ZNF609: variants seen among roughly 807,000 people sequenced by gnomAD.
The protein encoded by ZNF609 is zinc finger protein 609.
In ZNF609, 11 loss-of-function variants were observed where a neutral mutation model predicts 109.5. That is an observed-to-expected ratio of 0.10 (90% CI 0.06 to 0.17). The LOEUF (loss-of-function observed/expected upper bound fraction) is 0.17. ZNF609 is among the 10% of genes least tolerant of loss of function. The pLI is 1.00. For synonymous variants in ZNF609, 646 were observed against 662.0 expected, an observed-to-expected ratio of 0.98 and a Z score of 0.37; for missense variants, 1,559 against 1,772.4, an observed-to-expected ratio of 0.88 and a Z score of 2.16.
At position 64,674,849 on chromosome 15, in the gene ZNF609, A is replaced by G. The variant is rs200709757; in HGVS notation, c.1995A>G (p.Pro665=). The G allele has an allele frequency of 3.7e-6, 6 of 1,613,048 alleles. No homozygotes were observed. Among genetic ancestry groups the G allele is most frequent in the African/African-American group, 1.3e-5 (1 of 74,638 alleles). The change falls in exon 5 of 10, where the codon CCA becomes CCG. Residue 665 remains proline, a synonymous_variant. Coordinates refer to ENST00000326648, the MANE Select transcript of ZNF609 (RefSeq NM_015042.2). ...SARPIAPAIP[P]QQIYTFQTAT... ...GTCCCATTGCCCCTGCCATCCCCCC[A>G]CAGCAAATCTACACCTTCCAGACAG... is the stretch of plus-strand genomic sequence containing the variant.
intron 2 of ZNF609, among the ~76,000 whole-genome samples, chr15:64,523,957 A>C (rs1893930600): frequency 6.6e-6 from 1 of 151,934 alleles, no homozygotes; most frequent in African/African-American, 2.4e-5. Context: ...GAAACCATTT[A>C]ACAACTGATA....
At chr15:64,508,006 G>GT (rs1893662226) in intron 2 of ZNF609, among the ~76,000 whole-genome samples, 1 of 152,166 alleles carries the variant, frequency 6.6e-6, no homozygotes, top group South Asian at 2.1e-4. Context: ...ATTCATCCTA[G>GT]ATGACATTGA....
chr15:64,573,441 G>A (rs1414911127), intron 2 of ZNF609, among the ~76,000 whole-genome samples: 2 of 131,406 alleles, frequency 1.5e-5, no homozygotes, highest in Admixed American at 9.4e-5. Context: ...TGCAAGCTCC[G>A]CCTGCCGGGT....
Position 64,500,025 on chromosome 15 carries a change from A to T in ZNF609, c.606A>T (p.Ala202=). 6.2e-7 allele frequency: 1 copy of T among 1,614,172 alleles called. No homozygotes were observed. Among genetic ancestry groups the T allele is most frequent in the Non-Finnish European group, 8.5e-7 (1 of 1,180,030 alleles). The change falls in exon 2 of 10, where the codon GCA becomes GCT. Residue 202 remains alanine, a synonymous_variant. Transcript: ENST00000326648. The part of the protein sequence containing the change: ...GGRGGQYDGS[A]GVDTGAVEPL... Reference sequence around the variant, plus strand: ...GGGGTGGTCAGTATGATGGAAGTGCAGGGGTGGATACAGGAGCTGTGGAGC... The same window carrying T: ...GGGGTGGTCAGTATGATGGAAGTGCTGGGGTGGATACAGGAGCTGTGGAGC...
Position 64,675,963 on chromosome 15 carries a change from A to G in ZNF609, c.3109A>G (p.Lys1037Glu). The change falls in exon 5 of 10, where the codon AAG (lysine) becomes GAG (glutamate). Residue 1037 changes from lysine (K) to glutamate (E), a missense_variant. Lys to Glu is a moderately conservative substitution (Grantham distance 56). Coordinates refer to ENST00000326648, the MANE Select transcript of ZNF609 (RefSeq NM_015042.2). The part of the protein sequence containing the change: ...MGLKEREAAL[K>E]EEWKQKPSIP... ...CCTGAAGGAGCGGGAGGCAGCACTC[A>G]AGGAAGAGTGGAAGCAAAAGCCGTC... 1 of 1,614,200 alleles carries G rather than the reference A, an allele frequency of 6.2e-7. No individual in the cohort carries two copies. Among genetic ancestry groups the G allele is most frequent in the Non-Finnish European group, 8.5e-7 (1 of 1,180,026 alleles).
chr15:64,530,269 CA>C (rs1567006666), intron 2 of ZNF609, among the ~76,000 whole-genome samples: 1 of 152,122 alleles, frequency 6.6e-6, no homozygotes, highest in Non-Finnish European at 1.5e-5. Context: ...GCTTGCCTCT[CA>C]AAGTGCTGGG....
chr15:64,515,894 C>T (rs902551205), intron 2 of ZNF609, among the ~76,000 whole-genome samples: 3 of 150,304 alleles, frequency 2.0e-5, no homozygotes, highest in Non-Finnish European at 2.9e-5. Flanking sequence ...GCTGAGATCG[C>T]GCCATTGCAC....
intron 2 of ZNF609, among the ~76,000 whole-genome samples, chr15:64,554,330 T>C (rs1484456446): frequency 3.9e-5 from 6 of 152,236 alleles, no homozygotes; most frequent in East Asian, 1.9e-4. Context: ...TCCAGATAAA[T>C]ACATATACTT....
chr15:64,666,181 G>A (rs1896646060), intron 3 of ZNF609, among the ~76,000 whole-genome samples: 1 of 151,870 alleles, frequency 6.6e-6, no homozygotes, highest in Non-Finnish European at 1.5e-5. Flanking sequence ...ATCGCTTGGG[G>A]CCAGGAGTTC....
At chr15:64,648,669 G>A (rs1896369324) in intron 3 of ZNF609, among the ~76,000 whole-genome samples, 1 of 139,976 alleles carries the variant, frequency 7.1e-6, no homozygotes, top group Non-Finnish European at 1.5e-5. Context: ...TTAAATATGA[G>A]ATAATATATA....
chr15:64,642,905 C>T (rs1269748130), intron 3 of ZNF609, among the ~76,000 whole-genome samples: 3 of 152,128 alleles, frequency 2.0e-5, no homozygotes, highest in African/African-American at 7.2e-5. Flanking sequence ...TTAGCTAGTA[C>T]GTAACCACAC....
chr15:64,586,427 T>C (rs1895197885), intron 2 of ZNF609, among the ~76,000 whole-genome samples: 1 of 152,048 alleles, frequency 6.6e-6, no homozygotes, highest in African/African-American at 2.4e-5. Flanking sequence ...CCATGGCCTG[T>C]TAGGAACCTG....
chr15:64,507,697 G>A (rs1893657150), intron 2 of ZNF609, among the ~76,000 whole-genome samples: 2 of 152,190 alleles, frequency 1.3e-5, no homozygotes, highest in African/African-American at 4.8e-5. Context: ...TTATTTGTGT[G>A]TATGAGCATG....
intron 2 of ZNF609, among the ~76,000 whole-genome samples, chr15:64,603,560 C>T (rs1895541758): frequency 6.6e-6 from 1 of 151,872 alleles, no homozygotes; most frequent in Non-Finnish European, 1.5e-5. Context: ...TGAGCCACTG[C>T]ACCTGGCCCA....
chr15:64,553,176 A>G (rs1185626806), intron 2 of ZNF609, among the ~76,000 whole-genome samples: 1 of 151,992 alleles, frequency 6.6e-6, no homozygotes, highest in Admixed American at 6.6e-5. Context: ...TTGAAGTCAT[A>G]TGATTTAAAT....
intron 3 of ZNF609, among the ~76,000 whole-genome samples, chr15:64,632,517 T>C (rs1896099747): frequency 6.6e-6 from 1 of 152,082 alleles, no homozygotes; most frequent in Admixed American, 6.5e-5. Flanking sequence ...AGTCTTACTC[T>C]GTCACCCAGG....
intron 2 of ZNF609, among the ~76,000 whole-genome samples, chr15:64,566,074 TC>T (rs1350107154): frequency 6.6e-6 from 1 of 152,198 alleles, no homozygotes; most frequent in East Asian, 1.9e-4. Flanking sequence ...GGTCTCAAAC[TC>T]CTGGGCTCAA....
intron 1 of ZNF609, among the ~76,000 whole-genome samples, chr15:64,496,611 TCTTA>T (rs1425636557): frequency 6.6e-6 from 1 of 152,244 alleles, no homozygotes; most frequent in African/African-American, 2.4e-5. Flanking sequence ...TTACTCACTG[TCTTA>T]CTTGCTGCTG....
At chr15:64,529,042 GTA>G in intron 2 of ZNF609, 2 of 1,409,280 alleles carry the variant, frequency 1.4e-6, no homozygotes, top group South Asian at 2.4e-5. Flanking sequence ...GGCAGCGCCA[GTA>G]GAGACAGGGA....
Sources: gnomAD v4.1 joint callset for allele counts (sites outside exome capture counted in the v4.1 genomes callset) on GRCh38, gnomAD v4.1.1 for gene constraint, MANE v1.5 for transcripts, NCBI Gene and HGNC (gene_info 2026-07-23, HGNC 2026-07-21) for gene names.